Variants in TNMD observed in about 807,000 individuals in gnomAD.
The protein encoded by TNMD is tenomodulin.
A neutral mutation model predicts 26.9 loss-of-function variants in TNMD; 15 were observed. The ratio of observed to expected loss-of-function variants is 0.56; its 90% CI spans 0.37 to 0.86. The LOEUF is 0.86. Among genes scored for constraint, TNMD ranks in the 40% least tolerant of loss-of-function variants. The pLI is 0.00. For synonymous variants in TNMD, 73 were observed against 77.0 expected, an observed-to-expected ratio of 0.95 and a Z score of 0.27; for missense variants, 222 against 242.6, an observed-to-expected ratio of 0.92 and a Z score of 0.56.
At position 100,599,520 on chromosome X, in the gene TNMD, A is replaced by G. The variant is rs1356950830; in HGVS notation, c.757A>G (p.Ile253Val). 2.4e-5 allele frequency: 29 copies of G among 1,205,323 alleles called. No individual in the cohort carries two copies. The highest frequency in any genetic ancestry group is 3.0e-5 in the Non-Finnish European group (27 of 892,746). ...CTTCTTCTTTCAGACTGAAAATGGA[A>G]TAGAATTTGATCCCATGCTGGATGA... is the stretch of plus-strand genomic sequence containing the variant. The part of the protein sequence containing the change: ...LPINDYTENG[I>V]EFDPMLDERG... Residue 253 changes from isoleucine (I) to valine (V), a missense_variant, in exon 7 of 7, where the codon ATA becomes GTA. Transcript: ENST00000373031.
chrX:100,590,359 C>T (rs1284186636), intron 2 of TNMD, among the ~76,000 whole-genome samples: 1 of 112,140 alleles, frequency 8.9e-6, no homozygotes, highest in Admixed American at 9.4e-5. Flanking sequence ...AAATCCCTGT[C>T]AGGACAGGCT....
intron 2 of TNMD, among the ~76,000 whole-genome samples, chrX:100,591,421 A>G (rs2082937268): frequency 8.9e-6 from 1 of 111,881 alleles, no homozygotes; most frequent in Admixed American, 9.5e-5. Flanking sequence ...AGAGCAAAGT[A>G]CTTGTGATGC....
chrX:100,594,854 G>C (rs1350164858), intron 4 of TNMD, among the ~76,000 whole-genome samples: 1 of 111,970 alleles, frequency 8.9e-6, no homozygotes, highest in African/African-American at 3.3e-5. Flanking sequence ...ACCATTTTAT[G>C]CTGGGCTGCT....
chrX:100,597,469 G>A, intron 4 of TNMD, 35 bp from the exon 5 acceptor site: 1 of 1,202,674 alleles, frequency 8.3e-7, no homozygotes. Context: ...TAATTTCTCT[G>A]CCAATCCCTA....
chrX:100,598,884 T>C lies in TNMD; in HGVS notation c.578-132T>C, dbSNP rs2082960334. 6 of 451,413 alleles carry C rather than the reference T, an allele frequency of 1.3e-5. No homozygotes were observed. In the South Asian group the frequency reaches 3.4e-4, roughly 25 times the overall value. The allele number at this position is 451,413 out of a possible 1,213,427, so 37.2% of individuals were successfully genotyped here. ...TATCAGCTGAAGGAGCTTGGAAAAGTGGTCCATGCCTAAATGATGCCAGTT... is the reference window on the plus strand; with the variant it reads ...TATCAGCTGAAGGAGCTTGGAAAAGCGGTCCATGCCTAAATGATGCCAGTT... On this transcript the variant is annotated intron_variant, in intron 5 of 6. Transcript: ENST00000373031.
intron 4 of TNMD, among the ~76,000 whole-genome samples, chrX:100,596,052 G>A (rs1021905712): frequency 5.3e-5 from 6 of 112,622 alleles, no homozygotes; most frequent in African/African-American, 6.5e-5. Flanking sequence ...GGCGGGGCAC[G>A]GTGGCTCACG....
At chrX:100,597,742 A>G (rs1167328180) in intron 5 of TNMD, 85 bp downstream of exon 5, 2 of 981,091 alleles carry the variant, frequency 2.0e-6, no homozygotes, top group Admixed American at 4.7e-5. Context: ...CTACATTTCT[A>G]GGAAAACAAA....
intron 2 of TNMD, among the ~76,000 whole-genome samples, chrX:100,588,460 C>T (rs943796940): frequency 9.0e-6 from 1 of 111,364 alleles, no homozygotes; most frequent in Non-Finnish European, 1.9e-5. Flanking sequence ...TAAATGAAAG[C>T]CAGGTCCATC....
chrX:100,591,087 G>T (rs767588366), intron 2 of TNMD, among the ~76,000 whole-genome samples: 2 of 111,605 alleles, frequency 1.8e-5, no homozygotes, highest in Non-Finnish European at 3.8e-5. Flanking sequence ...GAAATGGGAA[G>T]AGAAAGGGGA....
At position 100,584,956 on chromosome X, in the gene TNMD, C is replaced by T; in HGVS notation, c.-63C>T. 9.2e-7 allele frequency: 1 copy of T among 1,090,509 alleles called. No homozygotes were observed. Among genetic ancestry groups the T allele is most frequent in the Non-Finnish European group, 1.2e-6 (1 of 807,862 alleles). 89.9% of individuals were successfully genotyped at this position (1,090,509 alleles called of 1,213,427 possible). On this transcript the variant is annotated 5_prime_UTR_variant, in exon 1 of 7. Transcript: ENST00000373031. ...CTGTTAGCCGACTCACTTGCAACTC[C>T]ACCTCAGCAGTGGTCTCTCAGTCCT... is the stretch of plus-strand genomic sequence containing the variant.
At chrX:100,591,043 A>G (rs2082935889) in intron 2 of TNMD, among the ~76,000 whole-genome samples, 2 of 111,662 alleles carry the variant, frequency 1.8e-5, no homozygotes, top group South Asian at 7.7e-4. Context: ...GCACCACGAG[A>G]TTCCTAGATG....
chrX:100,585,336 C>A lies in TNMD; in HGVS notation c.154C>A (p.His52Asn). Residue 52 changes from histidine to asparagine, a missense_variant, in exon 2 of 7, where the codon CAC becomes AAC. Physicochemically the swap from His to Asn is moderately conservative, Grantham distance 68. Coordinates refer to ENST00000373031, the MANE Select transcript of TNMD (RefSeq NM_022144.3). Reference protein sequence around the residue: ...TLIVLFWGSKHFWPEVPKKAY... With the variant: ...TLIVLFWGSKNFWPEVPKKAY... ...AATTGTCCTGTTTTGGGGGAGCAAG[C>A]ACTTCTGGCCGGAGGTACCCAAAAA... The A allele has an allele frequency of 8.3e-7, 1 of 1,210,711 alleles. No individual in the cohort carries two copies. The highest frequency in any genetic ancestry group is 1.1e-6 in the Non-Finnish European group (1 of 895,010).
rs36082211 is a variant in TNMD at position 100,585,042 on chromosome X, T to C, written c.24T>C (p.Asn8=). 3,012 of 1,208,785 alleles carry C rather than the reference T, an allele frequency of 2.5e-3. 53 individuals are homozygous for C. The African/African-American group carries it at 0.047, about 19-fold the overall frequency. ...CCATGGCAAAGAATCCTCCAGAGAA[T>C]TGTGAAGACTGTCACATTCTAAATG... MAKNPPE[N]CEDCHILNAE... Residue 8 remains asparagine, a synonymous_variant, in exon 1 of 7, where the codon AAT becomes AAC. Coordinates refer to ENST00000373031, the MANE Select transcript of TNMD (RefSeq NM_022144.3).
At chrX:100,596,897 G>A (rs999205430) in intron 4 of TNMD, among the ~76,000 whole-genome samples, 2 of 112,237 alleles carry the variant, frequency 1.8e-5, no homozygotes, top group African/African-American at 6.5e-5. Flanking sequence ...TACAATGAAA[G>A]GAATGCAATA....
chrX:100,585,022 G>C lies in TNMD; in HGVS notation c.4G>C (p.Ala2Pro). 8.3e-7 allele frequency: 1 copy of C among 1,210,065 alleles called. No individual in the cohort carries two copies. The highest frequency in any genetic ancestry group is 1.1e-6 in the Non-Finnish European group (1 of 894,459). The part of the protein sequence containing the change: M[A>P]KNPPENCEDC... ...GAGTACTGTGTGCTGAGAGACCATG[G>C]CAAAGAATCCTCCAGAGAATTGTGA... The change falls in exon 1 of 7, where the codon GCA becomes CCA. Residue 2 changes from alanine (A) to proline (P), a missense_variant. Coordinates refer to ENST00000373031, the MANE Select transcript of TNMD (RefSeq NM_022144.3).
At chrX:100,589,362 CAAAAAAAAA>C (rs60496840) in intron 2 of TNMD, among the ~76,000 whole-genome samples, 1 of 60,930 alleles carries the variant, frequency 1.6e-5, no homozygotes, top group Non-Finnish European at 3.2e-5. Context: ...TTGGCATTTT[CAAAAAAAAA>C]AAAAAAAAAA....
At chrX:100,599,311 A>G (rs1037418753) in intron 6 of TNMD, 129 bp downstream of exon 6, 20 of 707,417 alleles carry the variant, frequency 2.8e-5, no homozygotes, top group Middle Eastern at 3.8e-4. Context: ...AAAATGTTTA[A>G]GAAACTTGGA....
In TNMD at chrX:100,599,706, G is replaced by A; in HGVS notation, c.943G>A (p.Gly315Arg). ...TAACTGGTGGGTGGCCCGCATGCTG[G>A]GGAGGGTCTAATAGGAGGTTTGAGC... is the stretch of plus-strand genomic sequence containing the variant. The part of the protein sequence containing the change: ...PCNWWVARML[G>R]RV The change falls in exon 7 of 7, where the codon GGG becomes AGG. Residue 315 changes from glycine (G) to arginine (R), a missense_variant. Physicochemically the swap from Gly to Arg is moderately radical, Grantham distance 125. Transcript: ENST00000373031. The A allele has an allele frequency of 8.3e-7, 1 of 1,210,833 alleles. No homozygotes were observed. Among genetic ancestry groups the A allele is most frequent in the Non-Finnish European group, 1.1e-6 (1 of 895,000 alleles).
intron 2 of TNMD, among the ~76,000 whole-genome samples, chrX:100,587,816 A>G (rs1181358894): frequency 8.9e-6 from 1 of 111,950 alleles, no homozygotes; most frequent in Admixed American, 9.4e-5. Context: ...TGCATAGGAA[A>G]GGGACACAGG....
Sources: gnomAD v4.1 joint callset for allele counts (sites outside exome capture counted in the v4.1 genomes callset) on GRCh38, gnomAD v4.1.1 for gene constraint, MANE v1.5 for transcripts, NCBI Gene and HGNC (gene_info 2026-07-23, HGNC 2026-07-21) for gene names.